Variants in ZNF629 observed in about 807,000 individuals in gnomAD.
The protein encoded by ZNF629 is DNA-binding protein.
ZNF629 carries 9 observed loss-of-function variants against 59.7 expected under a neutral mutation model. The ratio of observed to expected loss-of-function variants is 0.15; its 90% CI spans 0.09 to 0.26. The LOEUF is 0.26. Ranked by LOEUF, ZNF629 falls within the 10% of genes least tolerant of loss-of-function variation. The probability of loss-of-function intolerance (pLI) is 1.00; values close to 1 mark genes in which losing one functional copy is unlikely to be tolerated. For synonymous variants in ZNF629, 509 were observed against 498.9 expected (o/e 1.02, Z -0.27); for missense variants, 853 against 1,165.4 (o/e 0.73, Z 3.90).
chr16:30,784,157 G>A lies in ZNF629; in HGVS notation c.171C>T (p.Asp57=). Residue 57 remains aspartate, a synonymous_variant, in exon 3 of 3, where the codon GAC becomes GAT. Transcript: ENST00000262525. ...ATCTCTCCAGGGACATCTCTGTTGA[G>A]TCCTTGGATTCTGGACTCTGAGCCG... ...GDPAQSPESK[D]STEMSLERSS... is the part of the protein sequence containing the mutation. The A allele has an allele frequency of 6.2e-7, 1 of 1,609,888 alleles. No homozygotes were observed. The highest frequency in any genetic ancestry group is 8.5e-7 in the Non-Finnish European group (1 of 1,179,040).
intron 1 of ZNF629, 73 bp from the exon 2 acceptor site, chr16:30,784,588 A>T: frequency 8.6e-7 from 1 of 1,165,638 alleles, no homozygotes. Context: ...CCTGAACCTC[A>T]CTCCCACCCT....
rs1397660634 is a variant in ZNF629, at chr16:30,784,208, A to C, written c.120T>G (p.Ser40=). ...GGTCTCCCATGATGATCTCCTCCCC[A>C]GAACTTTCCTGCCGAGGGCTCTCCT... is the stretch of plus-strand genomic sequence containing the variant. ...NEEESPRQES[S]GEEIIMGDPA... Residue 40 remains serine (S), a synonymous_variant, in exon 3 of 3, where the codon TCT becomes TCG. Coordinates refer to ENST00000262525, the MANE Select transcript of ZNF629 (RefSeq NM_001080417.3). The C allele has an allele frequency of 6.2e-7, 1 of 1,608,430 alleles. No individual in the cohort carries two copies. Among genetic ancestry groups the C allele is most frequent in the Admixed American group, 1.7e-5 (1 of 59,644 alleles).
intron 2 of ZNF629, 67 bp from the exon 3 acceptor site, chr16:30,784,321 C>T: frequency 6.5e-7 from 1 of 1,550,220 alleles, no homozygotes. Flanking sequence ...TCTCTCTTCC[C>T]TCCCCCGGGT....
rs1376704550 is a variant in ZNF629 at position 30,780,722 on chromosome 16, T to C, written c.*996A>G. The C allele has an allele frequency of 1.3e-5, 2 of 152,272 alleles. No individual in the cohort carries two copies. The highest frequency in any genetic ancestry group is 1.9e-4 in the East Asian group (1 of 5,188). The allele number at this position is 152,272 out of a possible 1,614,324, so 9.4% of individuals were successfully genotyped here. ...TGGTGTGGGGAGAACCCTTGCACTC[T>C]GAGAGCTGGGACCTGCCTGCTACTT... On this transcript the variant is annotated 3_prime_UTR_variant, in exon 3 of 3. Coordinates refer to ENST00000262525, the MANE Select transcript of ZNF629 (RefSeq NM_001080417.3).
chr16:30,784,017 G>A lies in ZNF629; in HGVS notation c.311C>T (p.Ser104Phe), dbSNP rs1056254322. ...GGCCTCGCAGGCCTTGGTCCAGTCA[G>A]ATGGGGTAGGGACTACCTCCGGGGC... ...PPAPEVVPTP[S>F]DWTKACEASW... The change falls in exon 3 of 3, where the codon TCT becomes TTT. Residue 104 changes from serine (S) to phenylalanine (F), a missense_variant. Coordinates refer to ENST00000262525, the MANE Select transcript of ZNF629 (RefSeq NM_001080417.3). 20 of 1,574,988 alleles carry A rather than the reference G, an allele frequency of 1.3e-5. No homozygotes were observed. The Admixed American group carries it at 1.8e-4, about 14-fold the overall frequency.
Position 30,782,332 on chromosome 16 carries a change from G to A in ZNF629, c.1996C>T (p.His666Tyr), listed in dbSNP as rs374508000. Residue 666 changes from histidine to tyrosine, a missense_variant, in exon 3 of 3, where the codon CAC becomes TAC. Physicochemically the swap from His to Tyr is moderately conservative, Grantham distance 83. Around this residue, in one of 3 missense-constraint regions of ZNF629, gnomAD observed 420 missense variants for 435.6 expected, o/e 0.96. Transcript: ENST00000262525. The stretch of plus-strand genomic sequence containing the variant: ...CGATCCAGGAAGCTCTCTCCGCAGT[G>A]GGAGCAGATGTAGGTCTTGGAGGAC... ...LLSSKTYICS[H>Y]CGESFLDRSV... 1.6e-5 allele frequency: 25 copies of A among 1,599,890 alleles called. No homozygotes were observed. The highest frequency in any genetic ancestry group is 2.0e-5 in the Non-Finnish European group (24 of 1,172,818).
At position 30,783,919 on chromosome 16, in the gene ZNF629, C is replaced by T; in HGVS notation, c.409G>A (p.Glu137Lys). The change falls in exon 3 of 3, where the codon GAG becomes AAG. Residue 137 changes from glutamate to lysine, a missense_variant. Physicochemically the swap from Glu to Lys is moderately conservative, Grantham distance 56. Around this residue, in one of 3 missense-constraint regions of ZNF629, gnomAD observed 232 missense variants for 193.4 expected, o/e 1.20. Coordinates refer to ENST00000262525, the MANE Select transcript of ZNF629 (RefSeq NM_001080417.3). The stretch of plus-strand genomic sequence containing the variant: ...CCCGCCGGGCGGCCCTGCACCAGCT[C>T]CCGCAGGCTGGGCTCGTTGGCGGGG... Reference protein sequence around the residue: ...VVPANEPSLRELVQGRPAGAE... With the variant: ...VVPANEPSLRKLVQGRPAGAE... 6.3e-7 allele frequency: 1 copy of T among 1,594,836 alleles called. No individual in the cohort carries two copies. The highest frequency in any genetic ancestry group is 8.5e-7 in the Non-Finnish European group (1 of 1,169,830).
rs939011254 is a variant in ZNF629, at chr16:30,782,243, A to G, written c.2085T>C (p.Tyr695=). Residue 695 remains tyrosine, a synonymous_variant, in exon 3 of 3, where the codon TAT becomes TAC. Coordinates refer to ENST00000262525, the MANE Select transcript of ZNF629 (RefSeq NM_001080417.3). The part of the protein sequence containing the change: ...GNEKPFLFPD[Y]RIGLGEGAGP... ...CTGCGCCTTCCCCTAGGCCAATTCT[A>G]TAATCAGGAAAGAGAAAGGGCTTTT... 1.2e-6 allele frequency: 2 copies of G among 1,613,494 alleles called. No homozygotes were observed. The highest frequency in any genetic ancestry group is 1.7e-6 in the Non-Finnish European group (2 of 1,179,798).
chr16:30,783,018 T>C lies in ZNF629; in HGVS notation c.1310A>G (p.Lys437Arg). ...ERPYICADCG[K>R]SFIMSSTLIR... ...AAGGGTGGAGCTCATGATGAAGCTC[T>C]TGCCGCAGTCGGCGCAGATGTAGGG... Residue 437 changes from lysine (K) to arginine (R), a missense_variant, in exon 3 of 3, where the codon AAG (lysine) becomes AGG (arginine). By Grantham distance (26) the Lys-to-Arg change is conservative (BLOSUM62 2). This residue lies in a region of ZNF629 where 201 missense variants were observed against 536.5 expected (regional missense o/e 0.37). Transcript: ENST00000262525. 6.2e-7 allele frequency: 1 copy of C among 1,614,168 alleles called. No homozygotes were observed. Among genetic ancestry groups the C allele is most frequent in the Non-Finnish European group, 8.5e-7 (1 of 1,180,014 alleles).
rs1329980617 is a variant in ZNF629, at chr16:30,779,761, T to C, written c.*1957A>G. On this transcript the variant is annotated 3_prime_UTR_variant, in exon 3 of 3. Coordinates refer to ENST00000262525, the MANE Select transcript of ZNF629 (RefSeq NM_001080417.3). ...TGGAATTAGAGGTCTCTTCCACAGC[T>C]TTGCAAAAATCTGGGTCACCCCTCT... 1 of 152,184 alleles carries C rather than the reference T, an allele frequency of 6.6e-6. No individual in the cohort carries two copies. The highest frequency in any genetic ancestry group is 2.4e-5 in the African/African-American group (1 of 41,440). 9.4% of individuals were successfully genotyped at this position (152,184 alleles called of 1,614,324 possible).
rs61741652 is a variant in ZNF629 at position 30,781,848 on chromosome 16, T to A, written c.2480A>T (p.His827Leu). The A allele has an allele frequency of 2.5e-3, 3,953 of 1,593,884 alleles. 95 individuals are homozygous for A. In the African/African-American group the frequency reaches 0.046, roughly 19 times the overall value. ...GGTTTTGGGGTTTTGCCCTTCCCCA[T>A]GGCTGCTGCTCTCTGTGGGGGTAGG... ...ETPTPTESSS[H>L]GEGQNPKTLV... The change falls in exon 3 of 3, where the codon CAT (histidine) becomes CTT (leucine). Residue 827 changes from histidine to leucine, a missense_variant. Physicochemically the swap from His to Leu is moderately conservative, Grantham distance 99. This residue lies in a region of ZNF629 where 420 missense variants were observed against 435.6 expected (regional missense o/e 0.96). Transcript: ENST00000262525.
chr16:30,779,447 C>T lies in ZNF629; in HGVS notation c.*2271G>A, dbSNP rs555874605. On this transcript the variant is annotated 3_prime_UTR_variant, in exon 3 of 3. Transcript: ENST00000262525. ...AGACTTGGCAGACTTCTCATTCTTACAGGGCACCCCCTTCGTTGGCGTTCT... is the reference window on the plus strand; with the variant it reads ...AGACTTGGCAGACTTCTCATTCTTATAGGGCACCCCCTTCGTTGGCGTTCT... The T allele has an allele frequency of 6.6e-6, 1 of 152,352 alleles. No individual in the cohort carries two copies. Among genetic ancestry groups the T allele is most frequent in the African/African-American group, 2.4e-5 (1 of 41,554 alleles). The allele number at this position is 152,352 out of a possible 1,614,324, so 9.4% of individuals were successfully genotyped here. A position where few individuals can be genotyped will look rare whatever the true frequency, so the allele number is the denominator to read the frequency against.
rs1354016253 is a variant in ZNF629 at position 30,783,941 on chromosome 16, G to C, written c.387C>G (p.Pro129=). 5 of 1,587,860 alleles carry C rather than the reference G, an allele frequency of 3.1e-6. No homozygotes were observed. Among genetic ancestry groups the C allele is most frequent in the Admixed American group, 3.5e-5 (2 of 56,740 alleles). ...GCTCCCGCAGGCTGGGCTCGTTGGC[G>C]GGGACGACTGGGGGGCTGTTCCATG... The part of the protein sequence containing the change: ...LTTWNSPPVV[P]ANEPSLRELV... The change falls in exon 3 of 3, where the codon CCC becomes CCG. Residue 129 remains proline, a synonymous_variant. Coordinates refer to ENST00000262525, the MANE Select transcript of ZNF629 (RefSeq NM_001080417.3).
In ZNF629 at chr16:30,782,004, G is replaced by A. The variant is rs1377510319; in HGVS notation, c.2324C>T (p.Ala775Val). The A allele has an allele frequency of 6.4e-7, 1 of 1,569,138 alleles. No homozygotes were observed. Among genetic ancestry groups the A allele is most frequent in the Non-Finnish European group, 8.6e-7 (1 of 1,157,946 alleles). Residue 775 changes from alanine to valine, a missense_variant, in exon 3 of 3, where the codon GCC (alanine) becomes GTC (valine). Ala to Val is a moderately conservative substitution (Grantham distance 64, BLOSUM62 0). Coordinates refer to ENST00000262525, the MANE Select transcript of ZNF629 (RefSeq NM_001080417.3). ...ARPYRCSDCRASFLDRVALTR... is the reference protein window; with the variant it reads ...ARPYRCSDCRVSFLDRVALTR... ...GAGGGCCACGCGGTCGAGGAAGGAG[G>A]CCCTGCAATCTGAGCAGCGGTAGGG...
In ZNF629 at chr16:30,782,363, C is replaced by A; in HGVS notation, c.1965G>T (p.Gly655=). 1 of 1,581,876 alleles carries A rather than the reference C, an allele frequency of 6.3e-7. No homozygotes were observed. Among genetic ancestry groups the A allele is most frequent in the African/African-American group, 1.3e-5 (1 of 74,286 alleles). ...AGATGTAGGTCTTGGAGGACAGCAG[C>A]CCCCGCCTCTGGCTGAAGCCCTCCT... ...EGQEGFSQRR[G]LLSSKTYICS... Residue 655 remains glycine (G), a synonymous_variant, in exon 3 of 3, where the codon GGG becomes GGT. Coordinates refer to ENST00000262525, the MANE Select transcript of ZNF629 (RefSeq NM_001080417.3).
At position 30,784,386 on chromosome 16, in the gene ZNF629, G is replaced by A. The variant is rs770253430; in HGVS notation, c.73+24C>T. On this transcript the variant is annotated intron_variant, in intron 2 of 2. Coordinates refer to ENST00000262525, the MANE Select transcript of ZNF629 (RefSeq NM_001080417.3). ...CCGGGACCACCGTCTTGCCGGGACC[G>A]CAGCCCCTTCTTGTGCCCCTCACCT... 2.0e-5 allele frequency: 31 copies of A among 1,552,952 alleles called. 1 individual carries two copies. Among genetic ancestry groups the A allele is most frequent in the Non-Finnish European group, 2.3e-5 (27 of 1,151,042 alleles).
chr16:30,783,178 T>C lies in ZNF629; in HGVS notation c.1150A>G (p.Thr384Ala). 6.2e-7 allele frequency: 1 copy of C among 1,612,492 alleles called. No homozygotes were observed. Among genetic ancestry groups the C allele is most frequent in the Non-Finnish European group, 8.5e-7 (1 of 1,179,560 alleles). Residue 384 changes from threonine (T) to alanine (A), a missense_variant, in exon 3 of 3, where the codon ACC becomes GCC. Thr to Ala is a moderately conservative substitution (Grantham distance 58). Around this residue, in one of 3 missense-constraint regions of ZNF629, gnomAD observed 201 missense variants for 536.5 expected, o/e 0.37. Coordinates refer to ENST00000262525, the MANE Select transcript of ZNF629 (RefSeq NM_001080417.3). The part of the protein sequence containing the change: ...FKCPVCGKTF[T>A]LSATLLRHQR... ...TGCCGCAGCAACGTGGCGCTCAGGGTGAAGGTCTTGCCGCACACTGGGCAC... is the reference window on the plus strand; with the variant it reads ...TGCCGCAGCAACGTGGCGCTCAGGGCGAAGGTCTTGCCGCACACTGGGCAC...
Position 30,782,632 on chromosome 16 carries a change from C to T in ZNF629, c.1696G>A (p.Ala566Thr), listed in dbSNP as rs765786405. The T allele has an allele frequency of 1.3e-6, 2 of 1,572,108 alleles. No homozygotes were observed. Among genetic ancestry groups the T allele is most frequent in the Non-Finnish European group, 1.7e-6 (2 of 1,158,834 alleles). ...DPSLLTPPPG[A>T]KPHKCLVCGK... The stretch of plus-strand genomic sequence containing the variant: ...CACACGAGACACTTGTGCGGCTTGG[C>T]TCCCGGCGGCGGGGTCAGCAGGGAG... Residue 566 changes from alanine (A) to threonine (T), a missense_variant, in exon 3 of 3, where the codon GCC (alanine) becomes ACC (threonine). Transcript: ENST00000262525.
rs951960656 is a variant in ZNF629 at position 30,786,307 on chromosome 16, G to A, written c.-34+721C>T. 2.0e-5 allele frequency among the ~76,000 whole-genome samples: 3 copies of A among 152,178 alleles called. No individual in the cohort carries two copies. The highest frequency in any genetic ancestry group is 7.2e-5 in the African/African-American group (3 of 41,432). ...CTGGGGGCTGCCTGATGTCCGGTCC[G>A]GGAAGGATGCCCTGCTGTGTTTGCT... On this transcript the variant is annotated intron_variant, in intron 1 of 2. Transcript: ENST00000262525. This position sits in a 1 kb window ranked among gnomAD's most constrained non-coding sequence, Gnocchi z 4.8.
Sources: gnomAD v4.1 joint callset for allele counts (sites outside exome capture counted in the v4.1 genomes callset) on GRCh38, gnomAD v4.1.1 for gene constraint, gnomAD v4.1.1 regional missense constraint, Gnocchi (gnomAD v3.1) non-coding constraint, MANE v1.5 for transcripts, NCBI Gene and HGNC (gene_info 2026-07-23, HGNC 2026-07-21) for gene names.